CTNND2: variants seen among roughly 807,000 people sequenced by gnomAD.
CTNND2 encodes the protein catenin delta-2.
Under a neutral mutation model 144.4 loss-of-function variants are expected in CTNND2, and 22 were observed. The ratio of observed to expected loss-of-function variants is 0.15; its 90% confidence interval spans 0.11 to 0.22. The LOEUF is 0.22. CTNND2 is among the 10% of genes least tolerant of loss of function. The pLI, the probability that CTNND2 is intolerant of heterozygous loss-of-function variation, is 1.00. For synonymous variants in CTNND2, 751 were observed against 695.6 expected, an observed-to-expected ratio of 1.08 and a Z score of -1.25; for missense variants, 1,353 against 1,618.8, an observed-to-expected ratio of 0.84 and a Z score of 2.82.
At chr5:11,760,851 A>G (rs1292517730) in intron 1 of CTNND2, among the ~76,000 whole-genome samples, 1 of 152,070 alleles carries the variant, frequency 6.6e-6, no homozygotes, top group African/African-American at 2.4e-5. Flanking sequence ...CAATCTCTTG[A>G]TTGAAAGAGT....
chr5:11,122,246 C>CA (rs202171390), intron 12 of CTNND2, among the ~76,000 whole-genome samples: 3,113 of 120,336 alleles, frequency 0.026, 27 homozygotes, highest in Middle Eastern at 0.062. Flanking sequence ...TTTCAACTTG[C>CA]AAAAAAAAAA....
intron 8 of CTNND2, among the ~76,000 whole-genome samples, chr5:11,349,101 T>C (rs1755084110): frequency 6.6e-6 from 1 of 152,184 alleles, no homozygotes; most frequent in South Asian, 2.1e-4. Context: ...AGTTTCAGTG[T>C]TATTGAAGAG....
intron 11 of CTNND2, among the ~76,000 whole-genome samples, chr5:11,184,736 G>C (rs1216746533): frequency 6.6e-6 from 1 of 152,160 alleles, no homozygotes; most frequent in Non-Finnish European, 1.5e-5. Context: ...AGCTGACTCT[G>C]GGTGTGTCCC....
At chr5:11,852,556 A>G (rs1795064542) in intron 1 of CTNND2, among the ~76,000 whole-genome samples, 1 of 152,194 alleles carries the variant, frequency 6.6e-6, no homozygotes, top group South Asian at 2.1e-4. Context: ...CACTGACCAA[A>G]GAAACAGGTA....
At chr5:11,129,557 A>C (rs553163864) in intron 12 of CTNND2, among the ~76,000 whole-genome samples, 7 of 151,106 alleles carry the variant, frequency 4.6e-5, no homozygotes, top group Non-Finnish European at 1.0e-4. Flanking sequence ...ATCAGCTACA[A>C]GAATGCCACC....
intron 3 of CTNND2, among the ~76,000 whole-genome samples, chr5:11,492,958 G>C (rs1049206095): frequency 6.6e-6 from 1 of 151,958 alleles, no homozygotes; most frequent in African/African-American, 2.4e-5. Flanking sequence ...TGTAATCCCA[G>C]ATACTCAGGA....
At chr5:11,733,466 A>G (rs1787509283) in intron 1 of CTNND2, among the ~76,000 whole-genome samples, 1 of 152,202 alleles carries the variant, frequency 6.6e-6, no homozygotes, top group African/African-American at 2.4e-5. Flanking sequence ...GTGAGAGTAG[A>G]AGAAAAATAG....
chr5:11,110,390 A>AGT lies in CTNND2; in HGVS notation c.2463+467_2463+468insAC, dbSNP rs1561317851. On this transcript the variant is annotated intron_variant, in intron 14 of 21. Transcript: ENST00000304623. ...TTCTCTGTTACCCCATTTCCAATGG[A>AGT]AAGTGTGAGACTGAAAATCTAAATG... Among the ~76,000 whole-genome samples, 224 of 152,278 alleles carry AGT rather than the reference A, an allele frequency of 1.5e-3. 2 individuals are homozygous for AGT. The highest frequency in any genetic ancestry group is 5.3e-3 in the African/African-American group (219 of 41,552).
chr5:10,997,235 C>A (rs1230507383), intron 18 of CTNND2, among the ~76,000 whole-genome samples: 1 of 152,104 alleles, frequency 6.6e-6, no homozygotes, highest in Admixed American at 6.5e-5. Context: ...ACCAAAAACA[C>A]GTTCAGGATG....
At chr5:11,856,421 C>T (rs1251520823) in intron 1 of CTNND2, among the ~76,000 whole-genome samples, 1 of 152,058 alleles carries the variant, frequency 6.6e-6, no homozygotes, top group African/African-American at 2.4e-5. Context: ...CACAAAGTTG[C>T]TGAAGCCTTT....
rs34092727 is a variant in CTNND2, at chr5:11,008,989, G to A, written c.3084+8985C>T. ...CCATGAACTTTCATGCCCGCCCATC[G>A]CATGGGCCCCTTCCAGGGTCTGTAC... On this transcript the variant is annotated intron_variant, in intron 18 of 21. Coordinates refer to ENST00000304623, the MANE Select transcript of CTNND2 (RefSeq NM_001332.4). Among the ~76,000 whole-genome samples, 1,278 of 152,310 alleles carry A rather than the reference G, an allele frequency of 8.4e-3. 26 individuals carry two copies. Among genetic ancestry groups the A allele is most frequent in the Non-Finnish European group, 7.4e-3 (503 of 68,030 alleles).
In CTNND2 at chr5:11,777,236, A is replaced by C. The variant is rs527837434; in HGVS notation, c.38-44964T>G. 1.6e-3 allele frequency among the ~76,000 whole-genome samples: 251 copies of C among 152,350 alleles called. 1 individual carries two copies. Among genetic ancestry groups the C allele is most frequent in the African/African-American group, 5.7e-3 (239 of 41,584 alleles). On this transcript the variant is annotated intron_variant, in intron 1 of 21. Coordinates refer to ENST00000304623, the MANE Select transcript of CTNND2 (RefSeq NM_001332.4). ...TAAATTTGCCCTTCAGCTACAAATGAATCACTTACTCCTCAATCAACAGGA... is the reference window on the plus strand; with the variant it reads ...TAAATTTGCCCTTCAGCTACAAATGCATCACTTACTCCTCAATCAACAGGA...
intron 16 of CTNND2, among the ~76,000 whole-genome samples, chr5:11,073,946 C>T (rs1293437781): frequency 6.6e-6 from 1 of 152,216 alleles, no homozygotes; most frequent in Non-Finnish European, 1.5e-5. Context: ...CTGTCTGGGT[C>T]TGAAGAAACA....
chr5:11,393,089 T>C (rs1759774592), intron 6 of CTNND2, among the ~76,000 whole-genome samples: 1 of 152,198 alleles, frequency 6.6e-6, no homozygotes, highest in African/African-American at 2.4e-5. Context: ...AGTGAGCAGA[T>C]GGTGTACTTA....
chr5:11,074,006 G>GTAA (rs1561261585), intron 16 of CTNND2, among the ~76,000 whole-genome samples: 1 of 152,196 alleles, frequency 6.6e-6, no homozygotes, highest in East Asian at 1.9e-4. Context: ...TCAGATCAAC[G>GTAA]TAATAAAGTG....
chr5:11,747,197 T>C (rs1020842890), intron 1 of CTNND2, among the ~76,000 whole-genome samples: 3 of 152,092 alleles, frequency 2.0e-5, no homozygotes, highest in Non-Finnish European at 4.4e-5. Flanking sequence ...GATTGATGGG[T>C]TTACCAAGCT....
intron 1 of CTNND2, among the ~76,000 whole-genome samples, chr5:11,847,734 A>AC (rs1210969936): frequency 2.0e-5 from 3 of 152,136 alleles, no homozygotes; most frequent in Admixed American, 1.3e-4. Flanking sequence ...ATCACATTAT[A>AC]CCCCATGAAT....
chr5:11,560,909 G>A (rs1298037304), intron 3 of CTNND2, among the ~76,000 whole-genome samples: 1 of 152,236 alleles, frequency 6.6e-6, no homozygotes, highest in Non-Finnish European at 1.5e-5. Flanking sequence ...CTCACGCCGT[G>A]TAGAGGATGG....
intron 2 of CTNND2, among the ~76,000 whole-genome samples, chr5:11,592,091 C>G (rs1779269457): frequency 6.6e-6 from 1 of 150,480 alleles, no homozygotes; most frequent in African/African-American, 2.4e-5. Flanking sequence ...GTTGAGGATT[C>G]TGGCTCAGGA....
Sources: gnomAD v4.1 joint callset for allele counts (sites outside exome capture counted in the v4.1 genomes callset) on GRCh38, gnomAD v4.1.1 for gene constraint, MANE v1.5 for transcripts, NCBI Gene and HGNC (gene_info 2026-07-23, HGNC 2026-07-21) for gene names.